The following NPIPB2 variants were observed in gnomAD, a reference collection of about 807,000 sequenced individuals.
NPIPB2 encodes the protein nuclear pore complex-interacting protein family member B2.
NPIPB2 carries 27 observed loss-of-function variants against 30.8 expected under a neutral mutation model. The ratio of observed to expected loss-of-function variants is 0.88; its 90% CI spans 0.65 to 1.21. The LOEUF (loss-of-function observed/expected upper bound fraction) is 1.21, where lower values mean the gene tolerates loss of function less well. Ranked by LOEUF, NPIPB2 falls within the 50% of genes most tolerant of loss-of-function variation. The pLI is 0.00. For synonymous variants in NPIPB2, 147 were observed against 162.0 expected, an observed-to-expected ratio of 0.91 and a Z score of 0.70; for missense variants, 440 against 446.2, an observed-to-expected ratio of 0.99 and a Z score of 0.13.
At chr16:11,947,321 T>TA (rs1491116556) in intron 1 of NPIPB2, among the ~76,000 whole-genome samples, 113 of 57,724 alleles carry the variant, frequency 2.0e-3, no homozygotes, top group South Asian at 7.0e-3. Flanking sequence ...TATTTATTTA[T>TA]TTATATATAT....
intron 1 of NPIPB2, among the ~76,000 whole-genome samples, chr16:11,948,856 T>C (rs2055037817): frequency 6.6e-6 from 1 of 151,646 alleles, no homozygotes; most frequent in Admixed American, 6.6e-5. Context: ...GGCAGTGATT[T>C]GTTGGGTGTG....
chr16:11,938,303 A>C (rs1301745977), intron 1 of NPIPB2, among the ~76,000 whole-genome samples: 1 of 151,646 alleles, frequency 6.6e-6, no homozygotes, highest in Non-Finnish European at 1.5e-5. Flanking sequence ...GGTGTGAGCC[A>C]CCGTGCCCGG....
upstream of NPIPB2, among the ~76,000 whole-genome samples, chr16:11,946,327 G>T (rs2055009142): frequency 6.7e-6 from 1 of 150,078 alleles, no homozygotes; most frequent in African/African-American, 2.5e-5. Flanking sequence ...GGAGGTTGTG[G>T]TGAGCCGAGA....
intron 1 of NPIPB2, among the ~76,000 whole-genome samples, chr16:11,964,392 G>T (rs2055177159): frequency 6.6e-6 from 1 of 151,484 alleles, no homozygotes; most frequent in Non-Finnish European, 1.5e-5. Context: ...CTTCCTTAGT[G>T]CATCACCTCT....
intron 1 of NPIPB2, among the ~76,000 whole-genome samples, chr16:11,949,431 G>C (rs2055043808): frequency 6.6e-6 from 1 of 152,110 alleles, no homozygotes; most frequent in East Asian, 1.9e-4. Flanking sequence ...TGACACCAGG[G>C]TCCTCCTGAG....
chr16:11,960,417 C>T (rs2055145141), intron 1 of NPIPB2, among the ~76,000 whole-genome samples: 1 of 145,262 alleles, frequency 6.9e-6, no homozygotes, highest in Non-Finnish European at 1.5e-5. Context: ...TGTGCAGTGG[C>T]ATGATCTCAG....
At chr16:11,941,262 C>T (rs1474604053) in intron 1 of NPIPB2, 30 of 1,501,734 alleles carry the variant, frequency 2.0e-5, no homozygotes, top group East Asian at 8.2e-5. Flanking sequence ...CCTTTCAGGG[C>T]GCCCTGAGGC....
chr16:11,939,499 G>GC (rs1226975477), intron 1 of NPIPB2, among the ~76,000 whole-genome samples: 6 of 125,596 alleles, frequency 4.8e-5, no homozygotes, highest in African/African-American at 1.6e-4. Context: ...GGCAGAGGTT[G>GC]CAGTGAGCCG....
intron 1 of NPIPB2, among the ~76,000 whole-genome samples, chr16:11,950,490 G>A (rs1397815698): frequency 6.6e-6 from 1 of 152,134 alleles, no homozygotes; most frequent in Admixed American, 6.6e-5. Flanking sequence ...TTGAAGATGG[G>A]CTTCATGCCT....
At chr16:11,965,430 A>G (rs1368364977) in intron 1 of NPIPB2, 1 of 1,614,068 alleles carries the variant, frequency 6.2e-7, no homozygotes, top group Non-Finnish European at 8.5e-7. Flanking sequence ...TCCTCCTCTA[A>G]CATGTCAGCG....
intron 1 of NPIPB2, among the ~76,000 whole-genome samples, chr16:11,966,014 G>C (rs2055190392): frequency 6.6e-6 from 1 of 152,146 alleles, no homozygotes; most frequent in Admixed American, 6.6e-5. Flanking sequence ...GGGAGGCTGA[G>C]GCAGGAGAAT....
intron 4 of NPIPB2, among the ~76,000 whole-genome samples, chr16:11,932,458 A>G (rs2054802588): frequency 6.6e-6 from 1 of 151,648 alleles, no homozygotes; most frequent in Admixed American, 6.6e-5. Flanking sequence ...CCTGGCCAAC[A>G]TGGTGAACCC....
rs543119860 is a variant in NPIPB2 at position 11,974,800 on chromosome 16, G to A, written c.-584+1768C>T. Among the ~76,000 whole-genome samples the A allele has an allele frequency of 5.3e-5, 8 of 151,642 alleles. No homozygotes were observed. In the South Asian group the frequency reaches 1.3e-3, roughly 24 times the overall value. On this transcript the variant is annotated intron_variant, in intron 1 of 5. Coordinates refer to the NPIPB2 transcript ENST00000538896. ...TGGACTTCATAACAATGTGCAGGGCGCGGTGGCTCACGCCTGTAATCCCAG... is the reference window on the plus strand; with the variant it reads ...TGGACTTCATAACAATGTGCAGGGCACGGTGGCTCACGCCTGTAATCCCAG...
intron 1 of NPIPB2, chr16:11,966,332 A>T: frequency 6.2e-7 from 1 of 1,611,856 alleles, no homozygotes; most frequent in Non-Finnish European, 8.5e-7. Context: ...GGACGAGTTT[A>T]AAAACACAGG....
chr16:11,947,225 AGG>A (rs1291484629), intron 1 of NPIPB2, among the ~76,000 whole-genome samples: 1 of 147,870 alleles, frequency 6.8e-6, no homozygotes, highest in East Asian at 1.9e-4. Flanking sequence ...AACTGCTGGA[AGG>A]TGTGAGCCAC....
At chr16:11,951,530 A>G (rs1430193867) in intron 1 of NPIPB2, among the ~76,000 whole-genome samples, 1 of 151,112 alleles carries the variant, frequency 6.6e-6, no homozygotes, top group Admixed American at 6.7e-5. Flanking sequence ...GTGAGGGCTA[A>G]TATTTCATGG....
upstream of NPIPB2, among the ~76,000 whole-genome samples, chr16:11,947,040 T>TTATATATATATA (rs57486204): frequency 2.5e-3 from 355 of 139,790 alleles, no homozygotes; most frequent in Middle Eastern, 7.2e-3. Context: ...ACTATTTGAA[T>TTATATATATATA]TATATATATA....
chr16:11,974,923 A>G (rs953397372), intron 1 of NPIPB2, among the ~76,000 whole-genome samples: 2 of 151,420 alleles, frequency 1.3e-5, no homozygotes, highest in African/African-American at 4.8e-5. Context: ...AAAATACAAA[A>G]AATTAGCCGG....
intron 1 of NPIPB2, chr16:11,965,113 C>CAA (rs781214857): frequency 3.3e-6 from 2 of 599,784 alleles, no homozygotes; most frequent in African/African-American, 1.8e-5. Flanking sequence ...ATCCAAGACT[C>CAA]AAACTTAGAA....
Sources: gnomAD v4.1 joint callset for allele counts (sites outside exome capture counted in the v4.1 genomes callset) on GRCh38, gnomAD v4.1.1 for gene constraint, MANE v1.5 for transcripts, NCBI Gene and HGNC (gene_info 2026-07-23, HGNC 2026-07-21) for gene names.